BLNK: variants seen among roughly 807,000 people sequenced by gnomAD.
BLNK encodes the protein B cell linker.
Under a neutral mutation model 73.5 loss-of-function variants are expected in BLNK, and 29 were observed. The ratio of observed to expected loss-of-function variants is 0.39; its 90% CI spans 0.29 to 0.54. The LOEUF (loss-of-function observed/expected upper bound fraction) is 0.54. BLNK is among the 20% of genes least tolerant of loss of function. The pLI, the probability that BLNK is intolerant of heterozygous loss-of-function variation, is 0.61. For missense variants in BLNK, 460 were observed against 562.8 expected (o/e 0.82, Z 1.85); for synonymous variants, 176 against 200.8 (o/e 0.88, Z 1.04).
chr10:96,271,088 T>C (rs1056571521), intron 1 of BLNK, among the ~76,000 whole-genome samples: 2 of 152,232 alleles, frequency 1.3e-5, no homozygotes, highest in Admixed American at 1.3e-4. Context: ...TTTATTATCT[T>C]TCCAGAGCTT....
chr10:96,234,654 A>G (rs1554904734), intron 3 of BLNK, among the ~76,000 whole-genome samples: 2 of 152,262 alleles, frequency 1.3e-5, no homozygotes, highest in African/African-American at 4.8e-5. Context: ...TGAAGCTCTT[A>G]GCAAAGCCTG....
At chr10:96,198,357 T>G (rs1554895219) in intron 15 of BLNK, among the ~76,000 whole-genome samples, 1 of 152,218 alleles carries the variant, frequency 6.6e-6, no homozygotes, top group East Asian at 1.9e-4. Context: ...CCTTTAAGAC[T>G]ATGATCTAAG....
At chr10:96,214,578 T>C (rs587608546) in intron 8 of BLNK, among the ~76,000 whole-genome samples, 1 of 152,174 alleles carries the variant, frequency 6.6e-6, no homozygotes, top group South Asian at 2.1e-4. Flanking sequence ...ATTTGGAGCA[T>C]GTGGCCTGGA....
intron 15 of BLNK, among the ~76,000 whole-genome samples, chr10:96,197,609 G>A (rs1198050485): frequency 2.0e-5 from 3 of 152,162 alleles, no homozygotes; most frequent in Admixed American, 6.5e-5. Flanking sequence ...GAAAAAAAAT[G>A]TATCAAACAA....
At position 96,217,260 on chromosome 10, in the gene BLNK, A is replaced by G. The variant is rs114463406; in HGVS notation, c.526-526T>C. ...TTTTTCCACTTTTTGGCTGTAATGA[A>G]TAATGGTGTCATGACTATTCATGTA... On this transcript the variant is annotated intron_variant, in intron 6 of 16. Coordinates refer to ENST00000224337, the MANE Select transcript of BLNK (RefSeq NM_013314.4). Among the ~76,000 whole-genome samples the G allele has an allele frequency of 3.4e-3, 525 of 152,306 alleles. 2 individuals carry two copies. The highest frequency in any genetic ancestry group is 0.012 in the African/African-American group (491 of 41,572).
intron 1 of BLNK, among the ~76,000 whole-genome samples, chr10:96,254,657 C>A (rs1055487641): frequency 6.6e-6 from 1 of 152,078 alleles, no homozygotes; most frequent in African/African-American, 2.4e-5. Flanking sequence ...ATTACAGGCG[C>A]CTGCCACCAC....
chr10:96,242,358 A>G (rs1842907508), intron 3 of BLNK, among the ~76,000 whole-genome samples: 1 of 152,238 alleles, frequency 6.6e-6, no homozygotes, highest in African/African-American at 2.4e-5. Context: ...TAAATTACCC[A>G]GTCTCAGGTA....
intron 11 of BLNK, among the ~76,000 whole-genome samples, chr10:96,205,974 G>T (rs1488932572): frequency 6.6e-6 from 1 of 152,156 alleles, no homozygotes; most frequent in Non-Finnish European, 1.5e-5. Context: ...GAGGCTGCAA[G>T]GAATGGAAGT....
intron 1 of BLNK, among the ~76,000 whole-genome samples, chr10:96,251,670 G>A (rs1158305834): frequency 1.3e-5 from 2 of 152,196 alleles, no homozygotes; most frequent in African/African-American, 4.8e-5. Context: ...ATTTTAAGCA[G>A]TATGGCATTT....
intron 1 of BLNK, among the ~76,000 whole-genome samples, chr10:96,259,670 CTTTTTTTTT>C (rs57821919): frequency 1.8e-4 from 8 of 44,870 alleles, no homozygotes; most frequent in Admixed American, 1.5e-3. Context: ...CACACCCTAC[CTTTTTTTTT>C]TTTTTTTTTT....
At chr10:96,194,447 T>C (rs1243859242) in intron 16 of BLNK, among the ~76,000 whole-genome samples, 2 of 152,174 alleles carry the variant, frequency 1.3e-5, no homozygotes, top group Non-Finnish European at 2.9e-5. Flanking sequence ...TTGGCAATGA[T>C]TTTTTGGATA....
rs1591283457 is a variant in BLNK at position 96,190,149 on chromosome 10, C to T, written c.*1824G>A. The T allele has an allele frequency of 1.0e-6, 1 of 957,814 alleles. No homozygotes were observed. The highest frequency in any genetic ancestry group is 2.4e-5 in the East Asian group (1 of 41,670). 59.3% of individuals were successfully genotyped at this position (957,814 alleles called of 1,614,324 possible). A position where few individuals can be genotyped will look rare whatever the true frequency, so the allele number is the denominator to read the frequency against. On this transcript the variant is annotated 3_prime_UTR_variant, in exon 17 of 17. Coordinates refer to ENST00000224337, the MANE Select transcript of BLNK (RefSeq NM_013314.4). ...CCTTAAAGTGATCATCTTTGTCGGC[C>T]TTTAGTTCACAACTGAAAAGATAGT... is the stretch of plus-strand genomic sequence containing the variant.
chr10:96,224,548 C>T (rs1036710208), intron 5 of BLNK, among the ~76,000 whole-genome samples: 2 of 152,158 alleles, frequency 1.3e-5, no homozygotes, highest in Non-Finnish European at 2.9e-5. Flanking sequence ...CAGGACTGTC[C>T]TTCTCATCAG....
intron 1 of BLNK, among the ~76,000 whole-genome samples, chr10:96,265,119 C>CTTATTTATTTATTTATTTAT (rs55872216): frequency 5.1e-5 from 7 of 136,958 alleles, no homozygotes; most frequent in African/African-American, 1.9e-4. Flanking sequence ...CCACACCAGA[C>CTTATTTATTTATTTATTTAT]TTATTTATTT....
Position 96,226,566 on chromosome 10 carries a change from C to T in BLNK, c.361+844G>A, listed in dbSNP as rs151242399. On this transcript the variant is annotated intron_variant, in intron 5 of 16. Transcript: ENST00000224337. The stretch of plus-strand genomic sequence containing the variant: ...ATTAAAATGCATACTTGGGGCCAGG[C>T]GCAGTGGCTTATGCCTGTAATCCCA... 5.5e-3 allele frequency among the ~76,000 whole-genome samples: 835 copies of T among 152,288 alleles called. 6 individuals carry two copies. Among genetic ancestry groups the T allele is most frequent in the Middle Eastern group, 0.02 (6 of 294 alleles).
At chr10:96,234,282 T>C (rs1309852019) in intron 3 of BLNK, among the ~76,000 whole-genome samples, 1 of 152,238 alleles carries the variant, frequency 6.6e-6, no homozygotes, top group African/African-American at 2.4e-5. Context: ...GGTTGTTTGT[T>C]GGTGCCCCAT....
chr10:96,265,683 G>A (rs1347762252), intron 1 of BLNK, among the ~76,000 whole-genome samples: 10 of 152,232 alleles, frequency 6.6e-5, no homozygotes, highest in Non-Finnish European at 1.5e-4. Context: ...GCAAAGATAT[G>A]TATTGCCTAT....
At position 96,194,795 on chromosome 10, in the gene BLNK, GA is replaced by G. The variant is rs2083419896; in HGVS notation, c.1251+2112del. On this transcript the variant is annotated intron_variant, in intron 16 of 16. Coordinates refer to ENST00000224337, the MANE Select transcript of BLNK (RefSeq NM_013314.4). ...TTTTTTTTTTTTTTTTTTTGAGACGGAGTCTCGCTCTGTCGCCCAGGCTGGA... is the reference window on the plus strand; with the variant it reads ...TTTTTTTTTTTTTTTTTTTGAGACGGGTCTCGCTCTGTCGCCCAGGCTGGA... Among the ~76,000 whole-genome samples, 4 of 62,194 alleles carry G rather than the reference GA, an allele frequency of 6.4e-5. No homozygotes were observed. The South Asian group carries it at 2.1e-3, about 33-fold the overall frequency. 40.8% of individuals were successfully genotyped at this position (62,194 alleles called of 152,430 possible). A position where few individuals can be genotyped will look rare whatever the true frequency, so the allele number is the denominator to read the frequency against.
intron 6 of BLNK, among the ~76,000 whole-genome samples, chr10:96,220,407 G>A (rs782782040): frequency 6.6e-6 from 1 of 152,170 alleles, no homozygotes; most frequent in Non-Finnish European, 1.5e-5. Flanking sequence ...AAAAAGACTC[G>A]ATCCAGTCTC....
Sources: gnomAD v4.1 joint callset for allele counts (sites outside exome capture counted in the v4.1 genomes callset) on GRCh38, gnomAD v4.1.1 for gene constraint, MANE v1.5 for transcripts, NCBI Gene and HGNC (gene_info 2026-07-23, HGNC 2026-07-21) for gene names.